CLEC17A: variants seen among roughly 807,000 people sequenced by gnomAD.
CLEC17A encodes the protein C-type lectin domain containing 17A, also known as C-type lectin domain family 17, member A.
A neutral mutation model predicts 61.3 loss-of-function variants in CLEC17A; 37 were observed. The observed-to-expected ratio is 0.60, with a 90% CI of 0.46 to 0.79. CLEC17A has a LOEUF of 0.79. Among genes scored for constraint, CLEC17A ranks in the 30% least tolerant of loss-of-function variants. The pLI, the probability that CLEC17A is intolerant of heterozygous loss-of-function variation, is 0.00. For synonymous variants in CLEC17A, 168 were observed against 164.9 expected, an observed-to-expected ratio of 1.02 and a Z score of -0.14; for missense variants, 418 against 464.7, an observed-to-expected ratio of 0.90 and a Z score of 0.92.
intron 2 of CLEC17A, among the ~76,000 whole-genome samples, chr19:14,584,605 C>T (rs1364621770): frequency 2.0e-5 from 3 of 151,976 alleles, no homozygotes; most frequent in Admixed American, 6.6e-5. Context: ...AGTGGGGCCA[C>T]CTGGGAGGTC....
rs1256858925 is a variant in CLEC17A, at chr19:14,611,312, A to AC, written c.*1117dup. On this transcript the variant is annotated 3_prime_UTR_variant, in exon 14 of 14. Coordinates refer to ENST00000417570, the MANE Select transcript of CLEC17A (RefSeq NM_001204118.2). The stretch of plus-strand genomic sequence containing the variant: ...TCTCAATGTCTTGGGTGAGGTTTGC[A>AC]CAAGCTAAGTGGCAGAATCAGACTT... Among the ~76,000 whole-genome samples the AC allele has an allele frequency of 6.6e-6, 1 of 151,094 alleles. No homozygotes were observed. Among genetic ancestry groups the AC allele is most frequent in the Non-Finnish European group, 1.5e-5 (1 of 67,884 alleles).
At chr19:14,590,470 C>T (rs2074382559) in intron 3 of CLEC17A, among the ~76,000 whole-genome samples, 1 of 151,602 alleles carries the variant, frequency 6.6e-6, no homozygotes, top group Admixed American at 6.6e-5. Context: ...CTGACAGCAA[C>T]CTCTGCCTCC....
chr19:14,593,674 A>C (rs564518124), intron 4 of CLEC17A, among the ~76,000 whole-genome samples: 13 of 151,848 alleles, frequency 8.6e-5, no homozygotes, highest in African/African-American at 3.1e-4. Context: ...AAAAAATAGA[A>C]CACGGGCTGG....
chr19:14,594,923 G>A, intron 7 of CLEC17A, 123 bp downstream of exon 7: 2 of 968,888 alleles, frequency 2.1e-6, no homozygotes, highest in Admixed American at 2.1e-5. Flanking sequence ...CCAGGCTGGA[G>A]TGCAGTGGTG....
intron 12 of CLEC17A, among the ~76,000 whole-genome samples, chr19:14,603,264 A>G (rs968558372): frequency 1.3e-5 from 2 of 152,172 alleles, no homozygotes; most frequent in Non-Finnish European, 2.9e-5. Flanking sequence ...TCAAGGTGGA[A>G]GGGAGCACAC....
intron 2 of CLEC17A, among the ~76,000 whole-genome samples, chr19:14,583,725 G>A (rs1379148114): frequency 6.6e-6 from 1 of 152,128 alleles, no homozygotes; most frequent in Non-Finnish European, 1.5e-5. Flanking sequence ...CTTGAGGGAT[G>A]AGTAGACATA....
Position 14,610,380 on chromosome 19 carries a change from T to C in CLEC17A, c.*184T>C. On this transcript the variant is annotated 3_prime_UTR_variant, in exon 14 of 14. Transcript: ENST00000417570. ...TCAGGCTGTTTCTAGAGTGAGGACT[T>C]GGGCTTGCCCTAGTAGATGGTGAGC... 3.9e-6 allele frequency: 3 copies of C among 769,930 alleles called. No homozygotes were observed. Among genetic ancestry groups the C allele is most frequent in the Non-Finnish European group, 6.1e-6 (3 of 491,536 alleles). The allele number at this position is 769,930 out of a possible 1,614,324, so 47.7% of individuals were successfully genotyped here. A position where few individuals can be genotyped will look rare whatever the true frequency, so the allele number is the denominator to read the frequency against.
chr19:14,605,915 AT>A (rs2074853745), intron 12 of CLEC17A, among the ~76,000 whole-genome samples: 1 of 151,926 alleles, frequency 6.6e-6, no homozygotes, highest in Non-Finnish European at 1.5e-5. Flanking sequence ...ATTTTTAAAA[AT>A]TTTTGTAGAT....
At chr19:14,583,535 A>G in intron 2 of CLEC17A, 101 bp downstream of exon 2, 1 of 1,561,200 alleles carries the variant, frequency 6.4e-7, no homozygotes, top group Non-Finnish European at 8.7e-7. Flanking sequence ...TCTCCTCTGT[A>G]TCCAGCCCAT....
At chr19:14,585,850 T>C (rs2074268225) in intron 2 of CLEC17A, among the ~76,000 whole-genome samples, 1 of 147,186 alleles carries the variant, frequency 6.8e-6, no homozygotes, top group East Asian at 2.0e-4. Flanking sequence ...TAAATGCTTA[T>C]GGTTGTTTTA....
At chr19:14,590,721 C>A (rs1465671522) in intron 3 of CLEC17A, among the ~76,000 whole-genome samples, 1 of 151,846 alleles carries the variant, frequency 6.6e-6, no homozygotes, top group Non-Finnish European at 1.5e-5. Flanking sequence ...GGGTCTCCTT[C>A]TGTTGCCCAG....
chr19:14,586,434 T>C (rs981386084), intron 2 of CLEC17A, among the ~76,000 whole-genome samples: 1 of 151,986 alleles, frequency 6.6e-6, no homozygotes, highest in Admixed American at 6.6e-5. Context: ...TCTTTTCTAC[T>C]TTTTTAAGAG....
At position 14,611,590 on chromosome 19, in the gene CLEC17A, C is replaced by G. The variant is rs1284824824; in HGVS notation, c.*1394C>G. Among the ~76,000 whole-genome samples, 1 of 152,008 alleles carries G rather than the reference C, an allele frequency of 6.6e-6. No homozygotes were observed. Among genetic ancestry groups the G allele is most frequent in the Non-Finnish European group, 1.5e-5 (1 of 67,982 alleles). On this transcript the variant is annotated 3_prime_UTR_variant, in exon 14 of 14. Transcript: ENST00000417570. ...GCATACCAGCTGAAAAGCAAGACCC[C>G]TACATAGTGTGGCCAGGCAGGCCAT...
At chr19:14,605,706 G>A (rs1206042788) in intron 12 of CLEC17A, among the ~76,000 whole-genome samples, 1 of 151,928 alleles carries the variant, frequency 6.6e-6, no homozygotes, top group Admixed American at 6.6e-5. Context: ...TTTTATCTCT[G>A]TCATAAGTCC....
chr19:14,592,858 G>A lies in CLEC17A; in HGVS notation c.277+500G>A, dbSNP rs185381534. ...TTTTGTATTTTTAGTAGAGACCAGG[G>A]TTTCACCATATTGGCCAGGATGGTC... On this transcript the variant is annotated intron_variant, in intron 4 of 13. Coordinates refer to ENST00000417570, the MANE Select transcript of CLEC17A (RefSeq NM_001204118.2). Among the ~76,000 whole-genome samples, 564 of 152,098 alleles carry A rather than the reference G, an allele frequency of 3.7e-3. 2 individuals carry two copies. Among genetic ancestry groups the A allele is most frequent in the Non-Finnish European group, 5.6e-3 (380 of 67,988 alleles).
chr19:14,587,224 C>T (rs2074305543), intron 2 of CLEC17A, among the ~76,000 whole-genome samples: 1 of 138,032 alleles, frequency 7.2e-6, no homozygotes, highest in Admixed American at 7.1e-5. Context: ...GTCCAAACTC[C>T]AGAGAAAGAT....
upstream of CLEC17A, among the ~76,000 whole-genome samples, chr19:14,581,914 A>T (rs531007280): frequency 1.3e-5 from 2 of 152,232 alleles, no homozygotes; most frequent in Admixed American, 1.3e-4. Flanking sequence ...GGCCTCCCAA[A>T]GTGTTGGGAT....
rs1472777603 is a variant in CLEC17A, at chr19:14,594,780, C to G, written c.383C>G (p.Thr128Ser). The G allele has an allele frequency of 2.5e-6, 4 of 1,613,884 alleles. No individual in the cohort carries two copies. Among genetic ancestry groups the G allele is most frequent in the Non-Finnish European group, 3.4e-6 (4 of 1,179,838 alleles). Residue 128 changes from threonine (T) to serine (S), a missense_variant, in exon 7 of 14, where the codon ACC (threonine) becomes AGC (serine). Thr to Ser is a moderately conservative substitution (Grantham distance 58). Coordinates refer to ENST00000417570, the MANE Select transcript of CLEC17A (RefSeq NM_001204118.2). ...NMTGLDLAAV[T>S]CPPPQLAVNL... ...CTAGGCCTGGACCTCGCCGCTGTCA[C>G]CTGTCCACCTCCTCAACTGGGTGAG...
intron 13 of CLEC17A, among the ~76,000 whole-genome samples, chr19:14,607,761 A>G (rs2074936767): frequency 1.3e-5 from 2 of 151,126 alleles, no homozygotes; most frequent in East Asian, 2.0e-4. Flanking sequence ...AATTTTGTAG[A>G]GATGGGGTTT....
Sources: gnomAD v4.1 joint callset for allele counts (sites outside exome capture counted in the v4.1 genomes callset) on GRCh38, gnomAD v4.1.1 for gene constraint, MANE v1.5 for transcripts, NCBI Gene and HGNC (gene_info 2026-07-23, HGNC 2026-07-21) for gene names.